The following ABCA5 variants were observed in gnomAD, a reference collection of about 807,000 sequenced individuals.
The protein encoded by ABCA5 is ATP binding cassette subfamily A member 5, also known as cholesterol transporter ABCA5.
Under a neutral mutation model 206.0 loss-of-function variants are expected in ABCA5, and 163 were observed. That is an observed-to-expected ratio of 0.79 (90% CI 0.70 to 0.90). The LOEUF (loss-of-function observed/expected upper bound fraction) is 0.90. Among genes scored for constraint, ABCA5 ranks in the 40% least tolerant of loss-of-function variants. ABCA5 has a pLI of 0.00. For synonymous variants in ABCA5, 609 were observed against 613.8 expected (o/e 0.99, Z 0.11); for missense variants, 1,859 against 1,912.9 (o/e 0.97, Z 0.53).
At chr17:69,325,141 CAAAAAA>C (rs11320196) in intron 1 of ABCA5, among the ~76,000 whole-genome samples, 1 of 118,104 alleles carries the variant, frequency 8.5e-6, no homozygotes, top group Non-Finnish European at 1.8e-5. Context: ...CTGTCTCTAC[CAAAAAA>C]AAAAAAAAAA....
chr17:69,279,120 T>C (rs955416053), intron 18 of ABCA5, among the ~76,000 whole-genome samples: 2 of 151,988 alleles, frequency 1.3e-5, no homozygotes, highest in African/African-American at 4.8e-5. Flanking sequence ...ATGACATGAT[T>C]GTATATCTAG....
rs1033486040 is a variant in ABCA5, at chr17:69,246,374, CT to C, written c.*1162del. 4.6e-5 allele frequency: 7 copies of C among 151,094 alleles called. No individual in the cohort carries two copies. Among genetic ancestry groups the C allele is most frequent in the Non-Finnish European group, 1.0e-4 (7 of 67,486 alleles). 9.4% of individuals were successfully genotyped at this position (151,094 alleles called of 1,614,324 possible). ...GTAATGTCAACTAGCATTATTTACA[CT>C]ATTTTATACCTTGAGCCAATACATG... is the stretch of plus-strand genomic sequence containing the variant. On this transcript the variant is annotated 3_prime_UTR_variant, in exon 39 of 39. Transcript: ENST00000392676.
At position 69,248,538 on chromosome 17, in the gene ABCA5, T is replaced by C. The variant is rs1432627672; in HGVS notation, c.4766-221A>G. The C allele has an allele frequency of 1.7e-5, 5 of 299,778 alleles. No individual in the cohort carries two copies. In the South Asian group the frequency reaches 2.9e-4, roughly 17 times the overall value. 18.6% of individuals were successfully genotyped at this position (299,778 alleles called of 1,614,324 possible). ...TGTATGTTGAATGTTACTTGTCTTA[T>C]TTCACTTTTTCTAAGTTCTCCTCCA... On this transcript the variant is annotated intron_variant, in intron 37 of 38. Transcript: ENST00000392676.
chr17:69,257,278 G>A (rs1433391150), intron 28 of ABCA5, among the ~76,000 whole-genome samples: 1 of 148,234 alleles, frequency 6.7e-6, no homozygotes, highest in African/African-American at 2.5e-5. Flanking sequence ...GGCTGAGGCA[G>A]AAGAATCGTT....
Position 69,290,020 on chromosome 17 carries a change from C to T in ABCA5, c.1624G>A (p.Gly542Arg), listed in dbSNP as rs2075508292. The T allele has an allele frequency of 3.1e-6, 5 of 1,593,460 alleles. No homozygotes were observed. The highest frequency in any genetic ancestry group is 4.3e-6 in the Non-Finnish European group (5 of 1,172,792). ...TCATCTATTTCTGAGACTCTGTGTC[C>T]ATATATAGATGCAAACCCTAAAAGC... ...PPSDGFASIYGHRVSEIDEMF... is the reference protein window; with the variant it reads ...PPSDGFASIYRHRVSEIDEMF... Residue 542 changes from glycine (G) to arginine (R), a missense_variant, in exon 13 of 39, where the codon GGA becomes AGA. Coordinates refer to ENST00000392676, the MANE Select transcript of ABCA5 (RefSeq NM_172232.4).
chr17:69,255,702 A>T, intron 30 of ABCA5, 31 bp downstream of exon 30: 1 of 1,577,710 alleles, frequency 6.3e-7, no homozygotes, highest in East Asian at 2.3e-5. Flanking sequence ...CTCTTCTAGA[A>T]AAGTTATGTA....
intron 1 of ABCA5, among the ~76,000 whole-genome samples, chr17:69,322,878 A>G (rs898095710): frequency 6.6e-6 from 1 of 152,218 alleles, no homozygotes; most frequent in African/African-American, 2.4e-5. Flanking sequence ...TATAAAATAA[A>G]TAAGTTGAGT....
At position 69,322,763 on chromosome 17, in the gene ABCA5, T is replaced by C. The variant is rs141641330; in HGVS notation, c.-16+4289A>G. 1.2e-4 allele frequency among the ~76,000 whole-genome samples: 18 copies of C among 152,262 alleles called. No homozygotes were observed. The East Asian group carries it at 3.3e-3, about 28-fold the overall frequency. ...TGTGGAATAAACAATCCATTTATTA[T>C]GTAGCAGGTAAAATAACTTTAAATT... On this transcript the variant is annotated intron_variant, in intron 1 of 38. Coordinates refer to ENST00000392676, the MANE Select transcript of ABCA5 (RefSeq NM_172232.4).
At position 69,293,917 on chromosome 17, in the gene ABCA5, G is replaced by A. The variant is rs995236107; in HGVS notation, c.1495+738C>T. 4.7e-5 allele frequency among the ~76,000 whole-genome samples: 7 copies of A among 150,418 alleles called. No individual in the cohort carries two copies. The East Asian group carries it at 9.9e-4, about 21-fold the overall frequency. ...GTGTGTGTATTCTATTGGTTCTGGG[G>A]ACTGACTAACACATTGACACAATGC... On this transcript the variant is annotated intron_variant, in intron 11 of 38. Transcript: ENST00000392676.
chr17:69,303,202 C>G (rs983482530), intron 7 of ABCA5, among the ~76,000 whole-genome samples: 1 of 152,156 alleles, frequency 6.6e-6, no homozygotes, highest in African/African-American at 2.4e-5. Flanking sequence ...ACTGCAACCT[C>G]CACCTCCTGG....
chr17:69,273,495 G>A (rs2075296283), intron 20 of ABCA5, among the ~76,000 whole-genome samples: 1 of 105,140 alleles, frequency 9.5e-6, no homozygotes, highest in Admixed American at 9.4e-5. Context: ...TCCCTCTGTT[G>A]CCCAGACTGG....
intron 7 of ABCA5, among the ~76,000 whole-genome samples, chr17:69,303,786 AT>A (rs1272300580): frequency 0.014 from 66 of 4,626 alleles, 5 homozygotes; most frequent in East Asian, 0.05. Context: ...AAAAAAAAAA[AT>A]ATATATATAT....
At position 69,298,304 on chromosome 17, in the gene ABCA5, G is replaced by A. The variant is rs1308367210; in HGVS notation, c.1268-945C>T. ...GGAAGGGAGGGAGGGGAAAGAGAAA[G>A]AAAGAGAGAGAGAGGAAGGAAGGAA... On this transcript the variant is annotated intron_variant, in intron 9 of 38. Transcript: ENST00000392676. Among the ~76,000 whole-genome samples, 7 of 55,844 alleles carry A rather than the reference G, an allele frequency of 1.3e-4. 1 individual carries two copies. The highest frequency in any genetic ancestry group is 3.4e-4 in the African/African-American group (7 of 20,480). The allele number at this position is 55,844 out of a possible 152,430, so 36.6% of individuals were successfully genotyped here. A position where few individuals can be genotyped will look rare whatever the true frequency, so the allele number is the denominator to read the frequency against.
chr17:69,313,313 A>C lies in ABCA5; in HGVS notation c.103-17T>G. On this transcript the variant is annotated splice_polypyrimidine_tract_variant and intron_variant, in intron 2 of 38. Coordinates refer to ENST00000392676, the MANE Select transcript of ABCA5 (RefSeq NM_172232.4). ...AAGAATTTCCTACAATAAAAGAAAC[A>C]AAGTAATTACAAAGTATAACAATGG... 8.3e-7 allele frequency: 1 copy of C among 1,201,064 alleles called. No homozygotes were observed. Among genetic ancestry groups the C allele is most frequent in the Non-Finnish European group, 1.2e-6 (1 of 857,428 alleles). 74.4% of individuals were successfully genotyped at this position (1,201,064 alleles called of 1,614,324 possible). A position where few individuals can be genotyped will look rare whatever the true frequency, so the allele number is the denominator to read the frequency against.
In ABCA5 at chr17:69,261,322, T is replaced by C. The variant is rs1188641840; in HGVS notation, c.3430-63A>G. 2.1e-6 allele frequency: 3 copies of C among 1,454,072 alleles called. No homozygotes were observed. The African/African-American group carries it at 4.3e-5, about 21-fold the overall frequency. 90.1% of individuals were successfully genotyped at this position (1,454,072 alleles called of 1,614,324 possible). On this transcript the variant is annotated intron_variant, in intron 25 of 38. Transcript: ENST00000392676. ...TTTAGAAACTTCTTACAAATTGGTG[T>C]CTACGCATTAAACTATTTTTTCAAT...
intron 1 of ABCA5, chr17:69,318,773 A>G: frequency 1.5e-6 from 1 of 683,338 alleles, no homozygotes; most frequent in Non-Finnish European, 2.7e-6. Context: ...AAATTGATGG[A>G]CAAAAAGTTA....
In ABCA5 at chr17:69,264,206, G is replaced by A. The variant is rs573169049; in HGVS notation, c.3315+529C>T. On this transcript the variant is annotated intron_variant, in intron 24 of 38. Coordinates refer to ENST00000392676, the MANE Select transcript of ABCA5 (RefSeq NM_172232.4). ...TTTTCCATTTGCTTGTATCATCTCT[G>A]AATTCCTTCACCAATGTTTTGTAGT... is the stretch of plus-strand genomic sequence containing the variant. Among the ~76,000 whole-genome samples, 3 of 152,108 alleles carry A rather than the reference G, an allele frequency of 2.0e-5. No individual in the cohort carries two copies. The South Asian group carries it at 6.2e-4, about 32-fold the overall frequency.
At chr17:69,273,116 T>C (rs923211705) in intron 20 of ABCA5, among the ~76,000 whole-genome samples, 2 of 152,204 alleles carry the variant, frequency 1.3e-5, no homozygotes, top group African/African-American at 4.8e-5. Context: ...ATTTTTTTCA[T>C]ATTTGACAAC....
chr17:69,257,391 A>G (rs1234119865), intron 28 of ABCA5, among the ~76,000 whole-genome samples: 1 of 151,948 alleles, frequency 6.6e-6, no homozygotes, highest in Non-Finnish European at 1.5e-5. Flanking sequence ...TAAGGAGAAC[A>G]ATGTCAATCA....
Sources: gnomAD v4.1 joint callset for allele counts (sites outside exome capture counted in the v4.1 genomes callset) on GRCh38, gnomAD v4.1.1 for gene constraint, MANE v1.5 for transcripts, NCBI Gene and HGNC (gene_info 2026-07-23, HGNC 2026-07-21) for gene names.